The following CDC42BPA variants were observed in gnomAD, a reference collection of about 807,000 sequenced individuals.
The protein encoded by CDC42BPA is CDC42 binding protein kinase alpha, also known as serine/threonine-protein kinase MRCK alpha.
In CDC42BPA, 80 loss-of-function variants were observed where a neutral mutation model predicts 223.5. The ratio of observed to expected loss-of-function variants is 0.36; its 90% CI spans 0.30 to 0.43. CDC42BPA has a LOEUF of 0.43. Among genes scored for constraint, CDC42BPA ranks in the 20% least tolerant of loss-of-function variants. The probability of loss-of-function intolerance (pLI) is 1.00; values close to 1 mark genes in which losing one functional copy is unlikely to be tolerated. For synonymous variants in CDC42BPA, 694 were observed against 718.6 expected (o/e 0.97, Z 0.55); for missense variants, 1,743 against 2,099.9 (o/e 0.83, Z 3.32).
At chr1:227,293,883 T>C (rs1204083786) in intron 1 of CDC42BPA, among the ~76,000 whole-genome samples, 2 of 152,214 alleles carry the variant, frequency 1.3e-5, no homozygotes, top group East Asian at 3.8e-4. Flanking sequence ...CTTTTAAAAG[T>C]GTCTCTAGCT....
At chr1:227,166,649 T>C (rs1665086060) in intron 5 of CDC42BPA, among the ~76,000 whole-genome samples, 1 of 152,186 alleles carries the variant, frequency 6.6e-6, no homozygotes, top group Admixed American at 6.5e-5. Context: ...CAAAGTATGA[T>C]GTGAACTAAG....
chr1:227,056,687 G>A (rs1199607867), intron 21 of CDC42BPA, among the ~76,000 whole-genome samples: 1 of 152,074 alleles, frequency 6.6e-6, no homozygotes, highest in Non-Finnish European at 1.5e-5. Context: ...TACCATGCCT[G>A]GCCAAAATCC....
At chr1:227,180,456 C>G (rs950218456) in intron 5 of CDC42BPA, 8 of 152,146 alleles carry the variant, frequency 5.3e-5, no homozygotes, top group Admixed American at 4.6e-4. Context: ...CAGACCAATA[C>G]GCCAACCAGC....
intron 29 of CDC42BPA, 66 bp from the exon 30 acceptor site, chr1:227,029,316 C>G: frequency 9.5e-7 from 1 of 1,049,810 alleles, no homozygotes; most frequent in Non-Finnish European, 1.3e-6. Flanking sequence ...CAATTATACT[C>G]AAAAGGATGT....
chr1:227,026,630 A>G (rs1668316394), intron 30 of CDC42BPA, among the ~76,000 whole-genome samples: 1 of 152,256 alleles, frequency 6.6e-6, no homozygotes, highest in African/African-American at 2.4e-5. Flanking sequence ...GAATATCAAC[A>G]AATGGTGACA....
intron 4 of CDC42BPA, among the ~76,000 whole-genome samples, chr1:227,198,980 C>G (rs1671260025): frequency 6.6e-6 from 1 of 152,180 alleles, no homozygotes; most frequent in African/African-American, 2.4e-5. Flanking sequence ...AATCTCCTAA[C>G]CTCATGATCC....
chr1:227,228,654 CAT>C (rs1206338159), intron 2 of CDC42BPA, among the ~76,000 whole-genome samples: 1 of 146,644 alleles, frequency 6.8e-6, no homozygotes, highest in Non-Finnish European at 1.5e-5. Context: ...ACCAGCAATG[CAT>C]AAGCTTTCCA....
At chr1:227,022,568 A>G (rs1316757305) in intron 32 of CDC42BPA, among the ~76,000 whole-genome samples, 17 of 152,240 alleles carry the variant, frequency 1.1e-4, no homozygotes, top group Admixed American at 1.1e-3. Context: ...AAATGACTTT[A>G]TTATATAGAA....
chr1:227,190,364 T>C (rs1444666964), intron 5 of CDC42BPA, among the ~76,000 whole-genome samples: 1 of 152,210 alleles, frequency 6.6e-6, no homozygotes, highest in Non-Finnish European at 1.5e-5. Flanking sequence ...TGGGGCAACG[T>C]CGATTTTAGA....
intron 15 of CDC42BPA, among the ~76,000 whole-genome samples, chr1:227,099,879 T>C (rs1351400144): frequency 1.3e-4 from 20 of 152,116 alleles, no homozygotes; most frequent in Admixed American, 1.3e-3. Flanking sequence ...GTTCTTAGCA[T>C]TTATCATTAT....
intron 35 of CDC42BPA, among the ~76,000 whole-genome samples, chr1:227,002,120 T>C (rs1204950957): frequency 6.6e-6 from 1 of 152,344 alleles, no homozygotes; most frequent in East Asian, 1.9e-4. Context: ...TTGTCATGGA[T>C]CTTGCTGGGA....
chr1:227,052,722 C>T lies in CDC42BPA; in HGVS notation c.2905-737G>A, dbSNP rs149150909. On this transcript the variant is annotated intron_variant, in intron 21 of 36. Coordinates refer to ENST00000366766, the MANE Select transcript of CDC42BPA (RefSeq NM_001394014.1). ...AACTTACTTTGAATATGTTGTACAG[C>T]AAAACAATGTTTAGATCAGAAATCA... is the stretch of plus-strand genomic sequence containing the variant. Among the ~76,000 whole-genome samples, 722 of 152,220 alleles carry T rather than the reference C, an allele frequency of 4.7e-3. 1 individual carries two copies. The highest frequency in any genetic ancestry group is 0.02 in the Middle Eastern group (6 of 294).
rs138790903 is a variant in CDC42BPA at position 227,001,406 on chromosome 1, G to A, written c.4975+3588C>T. ...ATGCGTTAAGGGCCTTGACAAGAAC[G>A]CCAGGCCAGCTCCAGTCTGTCGTTT... On this transcript the variant is annotated intron_variant, in intron 35 of 36. Transcript: ENST00000366766. Among the ~76,000 whole-genome samples the A allele has an allele frequency of 1.8e-3, 271 of 152,258 alleles. 1 individual carries two copies. The highest frequency in any genetic ancestry group is 6.1e-3 in the African/African-American group (253 of 41,520).
At chr1:227,106,104 T>C (rs779178221) in intron 14 of CDC42BPA, among the ~76,000 whole-genome samples, 2 of 152,190 alleles carry the variant, frequency 1.3e-5, no homozygotes, top group South Asian at 4.1e-4. Flanking sequence ...AGACCTACTT[T>C]CTTTTTCTTT....
intron 3 of CDC42BPA, among the ~76,000 whole-genome samples, chr1:227,209,671 G>A (rs1295316229): frequency 1.9e-4 from 28 of 148,352 alleles, no homozygotes; most frequent in African/African-American, 5.5e-4. Context: ...ATTGATTTGC[G>A]TATATTGAAC....
intron 1 of CDC42BPA, among the ~76,000 whole-genome samples, chr1:227,272,155 C>A (rs1167700148): frequency 2.0e-5 from 3 of 152,028 alleles, no homozygotes. Flanking sequence ...ATTTTAAGGT[C>A]ACCTATAAGA....
intron 1 of CDC42BPA, among the ~76,000 whole-genome samples, chr1:227,287,512 C>T (rs1689006257): frequency 6.6e-6 from 1 of 152,128 alleles, no homozygotes; most frequent in African/African-American, 2.4e-5. Context: ...ATTCTCTTCA[C>T]AAGTAAAGTT....
chr1:227,155,210 G>A (rs746159748), intron 6 of CDC42BPA, among the ~76,000 whole-genome samples: 37 of 152,122 alleles, frequency 2.4e-4, no homozygotes, highest in Non-Finnish European at 3.8e-4. Flanking sequence ...GATATAGAGA[G>A]AAAGGCTGTA....
At chr1:227,202,240 C>T (rs1671911477) in intron 3 of CDC42BPA, among the ~76,000 whole-genome samples, 1 of 152,166 alleles carries the variant, frequency 6.6e-6, no homozygotes, top group African/African-American at 2.4e-5. Context: ...CCTTGGCCTC[C>T]CAAAGAGCTG....
Sources: gnomAD v4.1 joint callset for allele counts (sites outside exome capture counted in the v4.1 genomes callset) on GRCh38, gnomAD v4.1.1 for gene constraint, MANE v1.5 for transcripts, NCBI Gene and HGNC (gene_info 2026-07-23, HGNC 2026-07-21) for gene names.